The following NELL1 variants were observed in gnomAD, a reference collection of about 807,000 sequenced individuals.
The protein encoded by NELL1 is protein kinase C-binding protein NELL1.
NELL1 carries 76 observed loss-of-function variants against 107.4 expected under a neutral mutation model. That is an observed-to-expected ratio of 0.71 (90% confidence interval 0.59 to 0.86). The LOEUF is 0.86. Among genes scored for constraint, NELL1 ranks in the 40% least tolerant of loss-of-function variants. The probability of loss-of-function intolerance (pLI) is 0.00; values close to 1 mark genes in which losing one functional copy is unlikely to be tolerated. For synonymous variants in NELL1, 353 were observed against 341.2 expected (o/e 1.03, Z -0.38); for missense variants, 1,024 against 1,005.5 (o/e 1.02, Z -0.25).
intron 14 of NELL1, among the ~76,000 whole-genome samples, chr11:21,314,864 C>CTTTTTTT (rs750358102): frequency 0.018 from 2,550 of 144,668 alleles, 77 homozygotes; most frequent in African/African-American, 0.062. Context: ...AGCAAGAGGG[C>CTTTTTTT]TTTTTTTTTT....
chr11:21,570,436 C>A (rs1857073018), intron 17 of NELL1, among the ~76,000 whole-genome samples: 1 of 151,832 alleles, frequency 6.6e-6, no homozygotes, highest in Non-Finnish European at 1.5e-5. Flanking sequence ...ACTCAAATGA[C>A]TTATTGATCA....
Position 21,170,081 on chromosome 11 carries a change from T to C in NELL1, c.1426+56367T>C, listed in dbSNP as rs547719009. The C allele has an allele frequency of 1.1e-3, 1,142 of 1,026,204 alleles. 8 individuals are homozygous for C. Among genetic ancestry groups the C allele is most frequent in the Non-Finnish European group, 1.4e-3 (913 of 670,252 alleles). 63.6% of individuals were successfully genotyped at this position (1,026,204 alleles called of 1,614,324 possible). On this transcript the variant is annotated intron_variant, in intron 13 of 19. Transcript: ENST00000357134. ...TGAACCCAGCCTCTTGGAGTCCAAG[T>C]TCTTTGAACAAAAGGATGTGGAGGC...
chr11:21,484,955 G>A (rs141603549), intron 15 of NELL1, among the ~76,000 whole-genome samples: 1 of 152,106 alleles, frequency 6.6e-6, no homozygotes, highest in Non-Finnish European at 1.5e-5. Context: ...CAGAAACACT[G>A]AAAGCAAAGG....
chr11:20,853,560 C>T (rs1038169074), intron 4 of NELL1, among the ~76,000 whole-genome samples: 10 of 152,170 alleles, frequency 6.6e-5, no homozygotes. Flanking sequence ...GCCAAATCCT[C>T]TGAAAATGTT....
chr11:21,483,500 G>T (rs1564916801), intron 15 of NELL1, among the ~76,000 whole-genome samples: 1 of 152,056 alleles, frequency 6.6e-6, no homozygotes, highest in Admixed American at 6.6e-5. Context: ...TATTGTCATT[G>T]TCTGAATCAA....
At chr11:21,362,094 C>CT (rs899849923) in intron 14 of NELL1, among the ~76,000 whole-genome samples, 13 of 152,138 alleles carry the variant, frequency 8.5e-5, no homozygotes, top group East Asian at 3.9e-4. Flanking sequence ...TTTTACTTTT[C>CT]TTTTTTTGTT....
chr11:21,337,954 T>C (rs778733590), intron 14 of NELL1, among the ~76,000 whole-genome samples: 1 of 151,688 alleles, frequency 6.6e-6, no homozygotes, highest in Non-Finnish European at 1.5e-5. Flanking sequence ...ATTATACATC[T>C]ATCCTATAGA....
chr11:21,285,871 G>T (rs1375659270), intron 14 of NELL1, among the ~76,000 whole-genome samples: 1 of 152,196 alleles, frequency 6.6e-6, no homozygotes, highest in East Asian at 1.9e-4. Flanking sequence ...ATTTTTTAAA[G>T]TTATAGTTGG....
At chr11:20,713,165 T>C (rs1855154657) in intron 2 of NELL1, among the ~76,000 whole-genome samples, 2 of 152,164 alleles carry the variant, frequency 1.3e-5, no homozygotes, top group Admixed American at 6.6e-5. Context: ...AAGCTTGCCC[T>C]AAGTTGACCA....
intron 2 of NELL1, among the ~76,000 whole-genome samples, chr11:20,764,799 G>A (rs1235543657): frequency 5.9e-5 from 9 of 152,024 alleles, no homozygotes; most frequent in Non-Finnish European, 1.0e-4. Flanking sequence ...ACACGTGAGA[G>A]TCAGGTATTT....
chr11:21,325,818 A>T (rs555250913), intron 14 of NELL1, among the ~76,000 whole-genome samples: 1 of 152,078 alleles, frequency 6.6e-6, no homozygotes, highest in South Asian at 2.1e-4. Context: ...ACAGGCAACA[A>T]CTGATCTGAT....
intron 12 of NELL1, among the ~76,000 whole-genome samples, chr11:21,058,428 T>C (rs559171088): frequency 1.7e-3 from 256 of 152,288 alleles, no homozygotes; most frequent in African/African-American, 5.8e-3. Flanking sequence ...TTAAATTAAA[T>C]CGTTGTTCTC....
Position 21,159,710 on chromosome 11 carries a change from C to A in NELL1, c.1426+45996C>A, listed in dbSNP as rs535015440. Reference sequence around the variant, plus strand: ...TTTGTTCTCTTTGGAATCTACACTGCAAAGTGGGGCTATACTGCTAACAAA... The same window carrying A: ...TTTGTTCTCTTTGGAATCTACACTGAAAAGTGGGGCTATACTGCTAACAAA... On this transcript the variant is annotated intron_variant, in intron 13 of 19. Coordinates refer to ENST00000357134, the MANE Select transcript of NELL1 (RefSeq NM_006157.5). Among the ~76,000 whole-genome samples, 243 of 152,272 alleles carry A rather than the reference C, an allele frequency of 1.6e-3. 1 individual carries two copies. The highest frequency in any genetic ancestry group is 5.8e-3 in the African/African-American group (239 of 41,564).
intron 14 of NELL1, among the ~76,000 whole-genome samples, chr11:21,367,787 C>G (rs1851262236): frequency 6.6e-6 from 1 of 151,988 alleles, no homozygotes; most frequent in African/African-American, 2.4e-5. Context: ...GTAGTTCATA[C>G]AGTTAATAAA....
At chr11:21,277,612 C>G (rs186821694) in intron 14 of NELL1, among the ~76,000 whole-genome samples, 82 of 152,192 alleles carry the variant, frequency 5.4e-4, no homozygotes, top group African/African-American at 1.9e-3. Context: ...ATGTTTATTG[C>G]GGCACTATTC....
At chr11:21,195,744 C>T (rs890297921) in intron 13 of NELL1, among the ~76,000 whole-genome samples, 1 of 152,084 alleles carries the variant, frequency 6.6e-6, no homozygotes, top group African/African-American at 2.4e-5. Context: ...ACCCATAGCA[C>T]ATCTCAATCC....
At position 21,471,886 on chromosome 11, in the gene NELL1, A is replaced by G. The variant is rs559597559; in HGVS notation, c.1646-62488A>G. On this transcript the variant is annotated intron_variant, in intron 15 of 19. Transcript: ENST00000357134. ...AGTATATTTTGGCTTCTAATTGTGTACAGAAAGCTGCAACTGATATATAAA... is the reference window on the plus strand; with the variant it reads ...AGTATATTTTGGCTTCTAATTGTGTGCAGAAAGCTGCAACTGATATATAAA... Among the ~76,000 whole-genome samples, 10 of 152,204 alleles carry G rather than the reference A, an allele frequency of 6.6e-5. No individual in the cohort carries two copies. In the East Asian group the frequency reaches 1.2e-3, roughly 18 times the overall value.
At chr11:21,246,487 T>C (rs1858495195) in intron 14 of NELL1, among the ~76,000 whole-genome samples, 1 of 152,174 alleles carries the variant, frequency 6.6e-6, no homozygotes, top group South Asian at 2.1e-4. Context: ...AGATATGTTC[T>C]GAGAAATGTG....
At chr11:21,365,696 T>C (rs1392255277) in intron 14 of NELL1, among the ~76,000 whole-genome samples, 2 of 152,076 alleles carry the variant, frequency 1.3e-5, no homozygotes, top group Admixed American at 1.3e-4. Context: ...TAGAAGAGAA[T>C]GATAATATGA....
Sources: gnomAD v4.1 joint callset for allele counts (sites outside exome capture counted in the v4.1 genomes callset) on GRCh38, gnomAD v4.1.1 for gene constraint, MANE v1.5 for transcripts, NCBI Gene and HGNC (gene_info 2026-07-23, HGNC 2026-07-21) for gene names.